Variants in EPS15L1 observed in about 807,000 individuals in gnomAD.
EPS15L1 encodes the protein epidermal growth factor receptor substrate 15-like 1.
EPS15L1 carries 43 observed loss-of-function variants against 117.1 expected under a neutral mutation model. The ratio of observed to expected loss-of-function variants is 0.37; its 90% CI spans 0.29 to 0.47. The LOEUF is 0.47. Among genes scored for constraint, EPS15L1 ranks in the 20% least tolerant of loss-of-function variants. The pLI is 0.99. For missense variants in EPS15L1, 981 were observed against 1,164.0 expected (o/e 0.84, Z 2.29); for synonymous variants, 459 against 470.5 (o/e 0.98, Z 0.32).
rs188870372 is a variant in EPS15L1, at chr19:16,433,384, G to A, written c.498+981C>T. Among the ~76,000 whole-genome samples, 290 of 146,326 alleles carry A rather than the reference G, an allele frequency of 2.0e-3. 1 individual carries two copies. Among genetic ancestry groups the A allele is most frequent in the African/African-American group, 7.1e-3 (281 of 39,686 alleles). On this transcript the variant is annotated intron_variant, in intron 7 of 23. Coordinates refer to ENST00000455140, the MANE Select transcript of EPS15L1 (RefSeq NM_001258374.3). Reference sequence around the variant, plus strand: ...TGACCTCAAGTTATCCACCCACCTCGGCCTCCCAAAGTGCTGGGATTACGG... The same window carrying A: ...TGACCTCAAGTTATCCACCCACCTCAGCCTCCCAAAGTGCTGGGATTACGG...
intron 7 of EPS15L1, among the ~76,000 whole-genome samples, chr19:16,433,265 T>C (rs2092947002): frequency 6.6e-6 from 1 of 151,218 alleles, no homozygotes; most frequent in Non-Finnish European, 1.5e-5. Context: ...GTGTCTGGGA[T>C]TACAGGCGAA....
chr19:16,391,301 G>A (rs780633474), intron 19 of EPS15L1, among the ~76,000 whole-genome samples: 3 of 152,102 alleles, frequency 2.0e-5, no homozygotes, highest in Non-Finnish European at 1.5e-5. Flanking sequence ...TTATGGGAAA[G>A]GTCAATGAAA....
At chr19:16,425,056 G>T (rs1471049062) in intron 9 of EPS15L1, 27 bp downstream of exon 9, 2 of 1,560,994 alleles carry the variant, frequency 1.3e-6, no homozygotes, top group African/African-American at 1.4e-5. Context: ...CTCTGAGAGG[G>T]GGCTGTGCCC....
chr19:16,446,965 A>G (rs148998992), intron 1 of EPS15L1, among the ~76,000 whole-genome samples: 4 of 152,370 alleles, frequency 2.6e-5, no homozygotes, highest in Middle Eastern at 3.4e-3. Flanking sequence ...AACACATCTC[A>G]GTCTGAGTTC....
chr19:16,413,067 A>G, intron 13 of EPS15L1: 1 of 709,872 alleles, frequency 1.4e-6, no homozygotes, highest in Non-Finnish European at 2.5e-6. Context: ...CACCAGGTTC[A>G]AGGCGTTTGT....
chr19:16,418,697 G>A (rs1362348072), intron 10 of EPS15L1, among the ~76,000 whole-genome samples: 1 of 152,160 alleles, frequency 6.6e-6, no homozygotes, highest in Non-Finnish European at 1.5e-5. Context: ...TTGGGAGGTG[G>A]GGCCTCTGGG....
chr19:16,396,072 A>C (rs956737300), intron 16 of EPS15L1, among the ~76,000 whole-genome samples: 61 of 152,044 alleles, frequency 4.0e-4, no homozygotes, highest in African/African-American at 1.5e-3. Context: ...GTGCCACTGC[A>C]CTCCAGCCAC....
intron 9 of EPS15L1, 122 bp from the exon 10 acceptor site, chr19:16,421,598 T>C (rs1222107663): frequency 1.9e-6 from 2 of 1,035,726 alleles, no homozygotes; most frequent in African/African-American, 1.6e-5. Context: ...CTCTCCTCAC[T>C]TCCATGAGCC....
intron 18 of EPS15L1, among the ~76,000 whole-genome samples, chr19:16,393,632 G>C (rs974061993): frequency 2.0e-5 from 3 of 146,792 alleles, no homozygotes; most frequent in African/African-American, 7.5e-5. Context: ...CTGGGCGACA[G>C]AGCGAGACTC....
chr19:16,399,670 T>A (rs1467950180), intron 16 of EPS15L1, among the ~76,000 whole-genome samples: 1 of 151,428 alleles, frequency 6.6e-6, no homozygotes, highest in African/African-American at 2.4e-5. Context: ...TCCTGTTTTT[T>A]GCTTTTTGGG....
intron 21 of EPS15L1, among the ~76,000 whole-genome samples, chr19:16,382,075 A>G (rs2092368871): frequency 6.6e-6 from 1 of 152,190 alleles, no homozygotes; most frequent in Non-Finnish European, 1.5e-5. Flanking sequence ...GACACACTCA[A>G]ATCAGAGCCG....
intron 17 of EPS15L1, among the ~76,000 whole-genome samples, 195 bp downstream of exon 17, chr19:16,395,149 T>G (rs920934371): frequency 6.7e-6 from 1 of 148,700 alleles, no homozygotes; most frequent in Admixed American, 6.8e-5. Flanking sequence ...GAGCCGAGAT[T>G]GCGCCACTGC....
At chr19:16,455,983 C>T (rs990277069) in intron 1 of EPS15L1, among the ~76,000 whole-genome samples, 1 of 152,148 alleles carries the variant, frequency 6.6e-6, no homozygotes, top group South Asian at 2.1e-4. Context: ...GGTGGATCAC[C>T]TGAGGTCAGG....
At chr19:16,402,567 G>A in intron 15 of EPS15L1, 82 bp from the exon 16 acceptor site, 6 of 1,300,712 alleles carry the variant, frequency 4.6e-6, no homozygotes, top group Non-Finnish European at 6.3e-6. Flanking sequence ...TAAAACACAG[G>A]GTCTCACTCT....
intron 10 of EPS15L1, among the ~76,000 whole-genome samples, 186 bp downstream of exon 10, chr19:16,421,133 G>A (rs548860938): frequency 4.6e-5 from 7 of 152,246 alleles, no homozygotes; most frequent in Non-Finnish European, 8.8e-5. Flanking sequence ...CACGGAGCGC[G>A]GGCTTCGAGC....
chr19:16,471,975 G>A (rs1228556251), upstream of EPS15L1: 2 of 1,266,754 alleles, frequency 1.6e-6, no homozygotes, highest in African/African-American at 1.6e-5. The surrounding 1 kb of genome is among the most constrained non-coding windows in gnomAD (Gnocchi z 4.8). Context: ...CCGAGCGCCG[G>A]GGGAACGGGG....
chr19:16,459,927 G>C (rs1326038413), intron 1 of EPS15L1, among the ~76,000 whole-genome samples: 1 of 152,150 alleles, frequency 6.6e-6, no homozygotes, highest in Non-Finnish European at 1.5e-5. Context: ...GGTACATATG[G>C]TAGCCATTTG....
chr19:16,423,694 G>T (rs1356950743), intron 9 of EPS15L1, among the ~76,000 whole-genome samples: 2 of 152,180 alleles, frequency 1.3e-5, no homozygotes, highest in East Asian at 3.8e-4. Context: ...TCTCAAGTCT[G>T]GTGGACGTAA....
rs947718869 is a variant in EPS15L1 at position 16,404,250 on chromosome 19, G to A, written c.1429-320C>T. Reference sequence around the variant, plus strand: ...AGAGTTTTCTGAGGTTGCAGCCTCCGGGATCTGTGAGGAGCCTCAGAGACA... The same window carrying A: ...AGAGTTTTCTGAGGTTGCAGCCTCCAGGATCTGTGAGGAGCCTCAGAGACA... On this transcript the variant is annotated intron_variant, in intron 14 of 23. Transcript: ENST00000455140. This position sits in a 1 kb window ranked among gnomAD's most constrained non-coding sequence, Gnocchi z 4.2. Among the ~76,000 whole-genome samples, 4 of 152,310 alleles carry A rather than the reference G, an allele frequency of 2.6e-5. No individual in the cohort carries two copies. The highest frequency in any genetic ancestry group is 2.1e-4 in the South Asian group (1 of 4,828).
Sources: allele counts gnomAD v4.1 joint callset (sites outside exome capture counted in the v4.1 genomes callset), GRCh38; gene constraint gnomAD v4.1.1; non-coding constraint Gnocchi (gnomAD v3.1); transcripts MANE v1.5; gene names NCBI Gene and HGNC (gene_info 2026-07-23, HGNC 2026-07-21).